Variants in APBA1 observed in about 807,000 individuals in gnomAD.
The protein encoded by APBA1 is amyloid beta precursor protein binding family A member 1.
In APBA1, 55 loss-of-function variants were observed where a neutral mutation model predicts 86.6. The observed-to-expected ratio is 0.64, with a 90% CI of 0.51 to 0.80. APBA1 has a LOEUF of 0.80. Among genes scored for constraint, APBA1 ranks in the 30% least tolerant of loss-of-function variants. The pLI, the probability that APBA1 is intolerant of heterozygous loss-of-function variation, is 0.00. For missense variants in APBA1, 1,090 were observed against 1,183.0 expected, an observed-to-expected ratio of 0.92 and a Z score of 1.15; for synonymous variants, 511 against 493.9, an observed-to-expected ratio of 1.03 and a Z score of -0.46.
intron 1 of APBA1, among the ~76,000 whole-genome samples, chr9:69,664,352 T>C (rs1823807245): frequency 6.6e-6 from 1 of 152,110 alleles, no homozygotes; most frequent in African/African-American, 2.4e-5. Flanking sequence ...TATACTCCTT[T>C]AGGAAGAAAG....
At chr9:69,462,413 T>C (rs537618528) in intron 5 of APBA1, 1 of 152,046 alleles carries the variant, frequency 6.6e-6, no homozygotes, top group South Asian at 2.1e-4. Context: ...AGGGGAGAGA[T>C]GTGTTTCTAT....
At chr9:69,484,906 T>G (rs1466548925) in intron 2 of APBA1, among the ~76,000 whole-genome samples, 1 of 152,126 alleles carries the variant, frequency 6.6e-6, no homozygotes, top group Non-Finnish European at 1.5e-5. Flanking sequence ...TGGTCAATGG[T>G]AGGCCCTTTT....
At position 69,516,884 on chromosome 9, in the gene APBA1, C is replaced by T; in HGVS notation, c.327G>A (p.Ala109=). 6.3e-6 allele frequency: 10 copies of T among 1,594,040 alleles called. No homozygotes were observed. Among genetic ancestry groups the T allele is most frequent in the Non-Finnish European group, 8.5e-6 (10 of 1,176,396 alleles). ...AARDGYDAER[A]QDPEDESAYA... ...AGGCGCTCTCGTCCTCGGGGTCCTG[C>T]GCGCGCTCCGCATCGTAGCCGTCGC... Residue 109 remains alanine, a synonymous_variant, in exon 2 of 13, where the codon GCG becomes GCA. Coordinates refer to ENST00000265381, the MANE Select transcript of APBA1 (RefSeq NM_001163.4). The surrounding 1 kb of genome is among the most constrained non-coding windows in gnomAD (Gnocchi z 7.3).
intron 12 of APBA1, 30 bp downstream of exon 12, chr9:69,432,506 G>A (rs1162264742): frequency 2.0e-6 from 3 of 1,488,768 alleles, no homozygotes; most frequent in Admixed American, 2.2e-5. Flanking sequence ...GCGGCCCTCA[G>A]CACCACCCTC....
Position 69,456,421 on chromosome 9 carries a change from C to T in APBA1, c.1614G>A (p.Met538Ile). 2 of 1,597,768 alleles carry T rather than the reference C, an allele frequency of 1.3e-6. No individual in the cohort carries two copies. Among genetic ancestry groups the T allele is most frequent in the South Asian group, 1.1e-5 (1 of 88,360 alleles). The change falls in exon 8 of 13, where the codon ATG becomes ATA. Residue 538 changes from methionine (M) to isoleucine (I), a missense_variant. Coordinates refer to ENST00000265381, the MANE Select transcript of APBA1 (RefSeq NM_001163.4). ...AGGAAATGGTCCTCAGAGGGTGGTC[C>T]ATCATTGTCTCCTGGAGGCAGGAAG... ...VLNADTQETM[M>I]DHPLRTISYI... is the part of the protein sequence containing the mutation.
rs114584895 is a variant in APBA1 at position 69,512,136 on chromosome 9, T to C, written c.1200+3875A>G. Among the ~76,000 whole-genome samples, 1,081 of 151,946 alleles carry C rather than the reference T, an allele frequency of 7.1e-3. 10 individuals carry two copies. The highest frequency in any genetic ancestry group is 0.024 in the African/African-American group (1,006 of 41,504). On this transcript the variant is annotated intron_variant, in intron 2 of 12. Coordinates refer to ENST00000265381, the MANE Select transcript of APBA1 (RefSeq NM_001163.4). ...AGAAAAGAAAAAGGACAGGTTTTCATTATCAATATTTTTCAAGAAGGGGAT... is the reference window on the plus strand; with the variant it reads ...AGAAAAGAAAAAGGACAGGTTTTCACTATCAATATTTTTCAAGAAGGGGAT...
intron 2 of APBA1, among the ~76,000 whole-genome samples, chr9:69,489,704 G>A (rs1383963519): frequency 7.2e-6 from 1 of 139,480 alleles, no homozygotes; most frequent in African/African-American, 3.4e-5. Context: ...CATTTATGCA[G>A]CCAAAAAACA....
At chr9:69,648,849 C>T (rs1255010716) in intron 1 of APBA1, among the ~76,000 whole-genome samples, 1 of 152,132 alleles carries the variant, frequency 6.6e-6, no homozygotes, top group Admixed American at 6.5e-5. Context: ...TCTAAGGGCC[C>T]ACCTCCATTC....
At chr9:69,505,682 T>C (rs1364894639) in intron 2 of APBA1, among the ~76,000 whole-genome samples, 2 of 152,094 alleles carry the variant, frequency 1.3e-5, no homozygotes, top group Non-Finnish European at 2.9e-5. Flanking sequence ...TCTCGAATGA[T>C]TCTGTTGCCT....
chr9:69,488,246 A>T (rs1835642835), intron 2 of APBA1, among the ~76,000 whole-genome samples: 1 of 152,106 alleles, frequency 6.6e-6, no homozygotes, highest in Non-Finnish European at 1.5e-5. Context: ...TCTCTTCATG[A>T]TTGAGATGAC....
chr9:69,644,329 C>G (rs1001993231), intron 1 of APBA1, among the ~76,000 whole-genome samples: 1 of 152,130 alleles, frequency 6.6e-6, no homozygotes, highest in Non-Finnish European at 1.5e-5. Context: ...GAATGACCAC[C>G]ACCACAGTCC....
chr9:69,526,899 GAA>G (rs547161559), intron 1 of APBA1, among the ~76,000 whole-genome samples: 38 of 152,230 alleles, frequency 2.5e-4, no homozygotes, highest in African/African-American at 6.5e-4. Flanking sequence ...ATGCAGCCAT[GAA>G]AAAGAGTGAA....
At chr9:69,553,486 CT>C (rs1836818918) in intron 1 of APBA1, among the ~76,000 whole-genome samples, 1 of 152,174 alleles carries the variant, frequency 6.6e-6, no homozygotes. Context: ...TCTTTTGTGT[CT>C]GGCTTTATTA....
At chr9:69,563,473 C>T (rs1358000703) in intron 1 of APBA1, among the ~76,000 whole-genome samples, 2 of 152,140 alleles carry the variant, frequency 1.3e-5, no homozygotes, top group Non-Finnish European at 2.9e-5. Context: ...GAAATATAAA[C>T]CTTCCTTTGA....
intron 11 of APBA1, among the ~76,000 whole-genome samples, chr9:69,439,775 TCTCAA>T (rs1319039725): frequency 1.3e-5 from 2 of 152,236 alleles, no homozygotes; most frequent in Non-Finnish European, 2.9e-5. Context: ...AGCCTTCTTC[TCTCAA>T]CTCGTCAAAG....
At chr9:69,607,714 G>A (rs949117892) in intron 1 of APBA1, among the ~76,000 whole-genome samples, 20 of 152,242 alleles carry the variant, frequency 1.3e-4, no homozygotes, top group African/African-American at 4.3e-4. Flanking sequence ...AAACCAGTCC[G>A]TTTGGGCCAA....
chr9:69,517,027 C>G lies in APBA1; in HGVS notation c.184G>C (p.Ala62Pro). Residue 62 changes from alanine (A) to proline (P), a missense_variant, in exon 2 of 13, where the codon GCC becomes CCC. Coordinates refer to ENST00000265381, the MANE Select transcript of APBA1 (RefSeq NM_001163.4). ...QRGRALEDLRAQLGQEEEERG... is the reference protein window; with the variant it reads ...QRGRALEDLRPQLGQEEEERG... ...TCCTCTTCCTCCTGGCCGAGCTGGG[C>G]GCGGAGGTCCTCGAGGGCTCGCCCG... The G allele has an allele frequency of 6.3e-7, 1 of 1,578,840 alleles. No homozygotes were observed. The highest frequency in any genetic ancestry group is 1.7e-4 in the Middle Eastern group (1 of 5,982).
intron 1 of APBA1, among the ~76,000 whole-genome samples, chr9:69,662,283 G>A (rs1823768255): frequency 6.6e-6 from 1 of 152,176 alleles, no homozygotes; most frequent in Admixed American, 6.5e-5. Flanking sequence ...GTTCTCTCCT[G>A]ATGTGGTTAT....
At chr9:69,493,858 T>C (rs1166569398) in intron 2 of APBA1, among the ~76,000 whole-genome samples, 1 of 152,116 alleles carries the variant, frequency 6.6e-6, no homozygotes, top group Non-Finnish European at 1.5e-5. Flanking sequence ...GCTTACTGGT[T>C]TATCCAGCTT....
Sources: gnomAD v4.1 joint callset for allele counts (sites outside exome capture counted in the v4.1 genomes callset) on GRCh38, gnomAD v4.1.1 for gene constraint, Gnocchi (gnomAD v3.1) non-coding constraint, MANE v1.5 for transcripts, NCBI Gene and HGNC (gene_info 2026-07-23, HGNC 2026-07-21) for gene names.